The following CYFIP2 variants were observed in gnomAD, a reference collection of about 807,000 sequenced individuals.
The protein encoded by CYFIP2 is cytoplasmic FMR1 interacting protein 2.
In CYFIP2, 29 loss-of-function variants were observed where a neutral mutation model predicts 158.7. The observed-to-expected ratio is 0.18, with a 90% CI of 0.14 to 0.25. The LOEUF is 0.25. CYFIP2 is among the 10% of genes least tolerant of loss of function. The pLI, the probability that CYFIP2 is intolerant of heterozygous loss-of-function variation, is 1.00. For synonymous variants in CYFIP2, 585 were observed against 617.6 expected, an observed-to-expected ratio of 0.95 and a Z score of 0.78; for missense variants, 852 against 1,639.5, an observed-to-expected ratio of 0.52 and a Z score of 8.29.
intron 26 of CYFIP2, chr5:157,362,793 G>C (rs1763956449): frequency 6.6e-6 from 1 of 152,260 alleles, no homozygotes; most frequent in Admixed American, 6.5e-5. Flanking sequence ...AACTCGATGT[G>C]TTCTTGAGGT....
At chr5:157,280,354 G>A (rs968159304) in intron 1 of CYFIP2, among the ~76,000 whole-genome samples, 11 of 139,812 alleles carry the variant, frequency 7.9e-5, no homozygotes, top group Non-Finnish European at 1.2e-4. Flanking sequence ...CCACCACCAC[G>A]CCTGGCTAAT....
rs186955009 is a variant in CYFIP2 at position 157,359,115 on chromosome 5, C to T, written c.2784C>T (p.Val928=). The T allele has an allele frequency of 1.7e-4, 271 of 1,613,932 alleles. No homozygotes were observed. In the African/African-American group the frequency reaches 1.9e-3, roughly 11 times the overall value. The stretch of plus-strand genomic sequence containing the variant: ...TGGGTTATCAGGGCATCGCTGTGGT[C>T]ATGGAGGAACTGCTAAAGATTGTGA... ...RLLGYQGIAV[V]MEELLKIVKS... Residue 928 remains valine, a synonymous_variant, in exon 24 of 31, where the codon GTC becomes GTT. Transcript: ENST00000620254.
At chr5:157,307,653 G>GTGTGTGTGTGTGTA (rs1451376666) in intron 8 of CYFIP2, 108 bp from the exon 9 acceptor site, 212 of 618,838 alleles carry the variant, frequency 3.4e-4, no homozygotes, top group Non-Finnish European at 4.4e-4. Flanking sequence ...GTGTGTGTGT[G>GTGTGTGTGTGTGTA]TGTATGTGTG....
chr5:157,268,564 C>G (rs552723728), intron 1 of CYFIP2, among the ~76,000 whole-genome samples: 1 of 152,310 alleles, frequency 6.6e-6, no homozygotes, highest in South Asian at 2.1e-4. Flanking sequence ...CAGTACGGGT[C>G]CCAGTCCCTA....
intron 26 of CYFIP2, among the ~76,000 whole-genome samples, chr5:157,370,908 C>G (rs1764936012): frequency 6.6e-6 from 1 of 152,132 alleles, no homozygotes; most frequent in Non-Finnish European, 1.5e-5. Context: ...ACTATTCAAG[C>G]AAGGCATAGA....
At chr5:157,389,088 T>C in intron 28 of CYFIP2, 101 bp from the exon 29 acceptor site, 2 of 1,172,678 alleles carry the variant, frequency 1.7e-6, no homozygotes, top group Non-Finnish European at 2.4e-6. Context: ...GGTGAACCAA[T>C]TTCAGGTGCA....
At chr5:157,347,135 A>T (rs1002427986) in intron 23 of CYFIP2, among the ~76,000 whole-genome samples, 4 of 152,138 alleles carry the variant, frequency 2.6e-5, no homozygotes, top group African/African-American at 7.2e-5. Flanking sequence ...TTAACCCATG[A>T]AGGTCTCTTT....
At chr5:157,287,700 T>C (rs910319052) in intron 3 of CYFIP2, among the ~76,000 whole-genome samples, 2 of 151,866 alleles carry the variant, frequency 1.3e-5, no homozygotes, top group African/African-American at 2.4e-5. Context: ...TGTGGTTCCA[T>C]AAACCCTGCC....
In CYFIP2 at chr5:157,392,927, C is replaced by T. The variant is rs1356256314; in HGVS notation, c.3689C>T (p.Thr1230Ile). Residue 1230 changes from threonine (T) to isoleucine (I), a missense_variant, in exon 31 of 31, where the codon ACA becomes ATA. This residue lies in a region of CYFIP2 where 223 missense variants were observed against 381.6 expected (regional missense o/e 0.58). Coordinates refer to ENST00000620254, the MANE Select transcript of CYFIP2 (RefSeq NM_001037333.3). ...AACAAATACATGAAGTCCGTGGAGA[C>T]AGACAGTTCCACTGTGGAGCATGTG... is the stretch of plus-strand genomic sequence containing the variant. ...ILNKYMKSVE[T>I]DSSTVEHVRC... The T allele has an allele frequency of 1.2e-6, 2 of 1,613,988 alleles. No homozygotes were observed. The highest frequency in any genetic ancestry group is 4.5e-5 in the East Asian group (2 of 44,888).
At position 157,354,580 on chromosome 5, in the gene CYFIP2, C is replaced by CG. The variant is rs112247554; in HGVS notation, c.2674-4418dup. Among the ~76,000 whole-genome samples the CG allele has an allele frequency of 3.1e-3, 470 of 150,582 alleles. 5 individuals are homozygous for CG. Among genetic ancestry groups the CG allele is most frequent in the African/African-American group, 0.011 (458 of 40,928 alleles). On this transcript the variant is annotated intron_variant, in intron 23 of 30. Transcript: ENST00000620254. ...GGGTATATTTGGGGGAATGAGGGGT[C>CG]GGGGGGGATTTTTTTTAATCTTAGG...
In CYFIP2 at chr5:157,360,352, G is replaced by A; in HGVS notation, c.2888G>A (p.Arg963Gln). ...EVMPKICRLP[R>Q]HEYGSPGILE... ...ATGCCCAAGATATGCCGCTTGCCCC[G>A]ACATGAGTATGGCTCCCCAGGTTGG... Residue 963 changes from arginine (R) to glutamine (Q), a missense_variant, in exon 25 of 31, where the codon CGA becomes CAA. Coordinates refer to ENST00000620254, the MANE Select transcript of CYFIP2 (RefSeq NM_001037333.3). The A allele has an allele frequency of 1.2e-6, 2 of 1,613,736 alleles. No individual in the cohort carries two copies. Among genetic ancestry groups the A allele is most frequent in the South Asian group, 1.1e-5 (1 of 91,068 alleles).
intron 8 of CYFIP2, among the ~76,000 whole-genome samples, chr5:157,305,690 T>A (rs1283910439): frequency 3.9e-5 from 6 of 151,938 alleles, no homozygotes; most frequent in Middle Eastern, 3.4e-3. Flanking sequence ...TTTTAAAAAA[T>A]TTTTTGTAGA....
intron 8 of CYFIP2, among the ~76,000 whole-genome samples, chr5:157,305,705 A>T (rs1371881652): frequency 1.3e-5 from 2 of 152,138 alleles, no homozygotes; most frequent in Admixed American, 6.5e-5. Flanking sequence ...TGTAGAGTCA[A>T]GGTCTTCCTA....
intron 16 of CYFIP2, 125 bp downstream of exon 16, chr5:157,324,199 C>T: frequency 3.5e-6 from 4 of 1,154,774 alleles, no homozygotes; most frequent in South Asian, 2.0e-5. Flanking sequence ...CACATATCAC[C>T]ACCAAGGAAA....
At position 157,314,961 on chromosome 5, in the gene CYFIP2, C is replaced by G; in HGVS notation, c.1231-8C>G. The G allele has an allele frequency of 6.4e-7, 1 of 1,558,186 alleles. No individual in the cohort carries two copies. Among genetic ancestry groups the G allele is most frequent in the Non-Finnish European group, 8.7e-7 (1 of 1,150,218 alleles). On this transcript the variant is annotated splice_polypyrimidine_tract_variant and splice_region_variant and intron_variant, in intron 12 of 30. Transcript: ENST00000620254. Reference sequence around the variant, plus strand: ...GATGGACGTTTGGTTTGTTCCCACTCTCCCCAGTACTCTTGGAAGCTGGTT... The same window carrying G: ...GATGGACGTTTGGTTTGTTCCCACTGTCCCCAGTACTCTTGGAAGCTGGTT...
At chr5:157,363,342 TGC>T (rs1222601064) in intron 26 of CYFIP2, 1 of 152,244 alleles carries the variant, frequency 6.6e-6, no homozygotes, top group Non-Finnish European at 1.5e-5. Flanking sequence ...GCCTCTTCAT[TGC>T]CAGGAGCAGT....
chr5:157,370,114 C>T (rs1405064632), intron 26 of CYFIP2, among the ~76,000 whole-genome samples: 5 of 152,020 alleles, frequency 3.3e-5, no homozygotes, highest in African/African-American at 7.2e-5. Context: ...CTCCTGACCT[C>T]GTGATCCATG....
intron 20 of CYFIP2, among the ~76,000 whole-genome samples, chr5:157,332,854 C>T (rs1294886840): frequency 6.6e-6 from 1 of 152,112 alleles, no homozygotes; most frequent in Non-Finnish European, 1.5e-5. Flanking sequence ...CTGTGTTGCC[C>T]ATGCTGGTGT....
At chr5:157,392,103 A>C (rs916277169) in intron 30 of CYFIP2, among the ~76,000 whole-genome samples, 2 of 152,108 alleles carry the variant, frequency 1.3e-5, no homozygotes, top group African/African-American at 4.8e-5. Context: ...CCATTTTTTT[A>C]ATTGAGTCAT....
Sources: gnomAD v4.1 joint callset for allele counts (sites outside exome capture counted in the v4.1 genomes callset) on GRCh38, gnomAD v4.1.1 for gene constraint, gnomAD v4.1.1 regional missense constraint, MANE v1.5 for transcripts, NCBI Gene and HGNC (gene_info 2026-07-23, HGNC 2026-07-21) for gene names.